The following CDC14A variants were observed in gnomAD, a reference collection of about 807,000 sequenced individuals.
The protein encoded by CDC14A is cell division cycle 14A.
A neutral mutation model predicts 74.4 loss-of-function variants in CDC14A; 53 were observed. That is an observed-to-expected ratio of 0.71 (90% CI 0.57 to 0.89). The LOEUF (loss-of-function observed/expected upper bound fraction) is 0.89, where lower values mean the gene tolerates loss of function less well. Among genes scored for constraint, CDC14A ranks in the 40% least tolerant of loss-of-function variants. The pLI, the probability that CDC14A is intolerant of heterozygous loss-of-function variation, is 0.00. For synonymous variants in CDC14A, 247 were observed against 258.4 expected (o/e 0.96, Z 0.43); for missense variants, 646 against 713.7 (o/e 0.91, Z 1.08).
At chr1:100,360,344 A>G (rs1652570550) in intron 2 of CDC14A, among the ~76,000 whole-genome samples, 3 of 123,970 alleles carry the variant, frequency 2.4e-5, no homozygotes, top group Non-Finnish European at 5.5e-5. Context: ...ATTCATAGTT[A>G]GTTCTTTTTT....
rs377425988 is a variant in CDC14A, at chr1:100,494,801, C to T, written c.1138-17C>T. On this transcript the variant is annotated splice_polypyrimidine_tract_variant and intron_variant, in intron 11 of 15. Transcript: ENST00000336454. Reference sequence around the variant, plus strand: ...GCCAAATTTTGACCTTTCTATGGAACGTGTATTTTTTTCCAGGATAACTTA... The same window carrying T: ...GCCAAATTTTGACCTTTCTATGGAATGTGTATTTTTTTCCAGGATAACTTA... The T allele has an allele frequency of 4.1e-5, 60 of 1,460,422 alleles. No homozygotes were observed. In the African/African-American group the frequency reaches 6.3e-4, roughly 15 times the overall value. The allele number at this position is 1,460,422 out of a possible 1,614,324, so 90.5% of individuals were successfully genotyped here.
chr1:100,504,275 G>A (rs149698855), intron 15 of CDC14A, among the ~76,000 whole-genome samples: 4 of 152,248 alleles, frequency 2.6e-5, no homozygotes, highest in African/African-American at 9.6e-5. Flanking sequence ...ACATTTGCAG[G>A]GATATTCTCA....
chr1:100,479,411 T>A (rs1162864846), intron 10 of CDC14A, among the ~76,000 whole-genome samples: 2 of 152,204 alleles, frequency 1.3e-5, no homozygotes, highest in Non-Finnish European at 2.9e-5. Flanking sequence ...TGTAGCTTTT[T>A]AATCTCTCTT....
At chr1:100,511,345 A>G (rs907644972) in intron 15 of CDC14A, among the ~76,000 whole-genome samples, 3 of 152,152 alleles carry the variant, frequency 2.0e-5, no homozygotes, top group African/African-American at 7.2e-5. Context: ...TCCGCTCTAC[A>G]GCTGGGAGGT....
At chr1:100,402,542 T>C (rs772286915) in intron 4 of CDC14A, among the ~76,000 whole-genome samples, 1 of 132,624 alleles carries the variant, frequency 7.5e-6, no homozygotes, top group Non-Finnish European at 1.5e-5. Flanking sequence ...ATAAACATCT[T>C]AATTAGAAAA....
chr1:100,430,743 C>T (rs769783826), intron 5 of CDC14A, among the ~76,000 whole-genome samples: 13 of 152,112 alleles, frequency 8.5e-5, no homozygotes, highest in African/African-American at 1.9e-4. Flanking sequence ...TGATTTTTGT[C>T]GAAGTTTGTT....
At chr1:100,400,345 T>A (rs1369384803) in intron 4 of CDC14A, among the ~76,000 whole-genome samples, 3 of 152,202 alleles carry the variant, frequency 2.0e-5, no homozygotes, top group African/African-American at 7.2e-5. Context: ...AAAATGTAGG[T>A]AAAATTATCA....
chr1:100,420,005 T>TATATATACGTATATATATAC (rs1662063689), intron 4 of CDC14A, among the ~76,000 whole-genome samples: 5 of 110,994 alleles, frequency 4.5e-5, no homozygotes, highest in Admixed American at 9.6e-5. Context: ...TAAATATATA[T>TATATATACGTATATATATAC]ATATATACAT....
In CDC14A at chr1:100,513,578, G is replaced by C. The variant is rs6697951; in HGVS notation, c.1756-4673G>C. ...TAAGACATCGTTACATTCATTTGCT[G>C]TCAAGGACCTTAATCTTTCATTATT... On this transcript the variant is annotated intron_variant, in intron 15 of 15. Transcript: ENST00000336454. 1.4e-3 allele frequency among the ~76,000 whole-genome samples: 214 copies of C among 152,188 alleles called. 1 individual carries two copies. The highest frequency in any genetic ancestry group is 4.6e-3 in the African/African-American group (192 of 41,528).
At chr1:100,466,289 C>T (rs760336093) in intron 9 of CDC14A, among the ~76,000 whole-genome samples, 1 of 152,198 alleles carries the variant, frequency 6.6e-6, no homozygotes, top group African/African-American at 2.4e-5. Context: ...ACTCTGGAAA[C>T]TCACTGGGCT....
intron 6 of CDC14A, 65 bp downstream of exon 6, chr1:100,440,063 C>T (rs2101124674): frequency 1.7e-6 from 2 of 1,169,484 alleles, no homozygotes; most frequent in Admixed American, 1.8e-5. Flanking sequence ...AAGGAATAAT[C>T]TCAACATCCT....
In CDC14A at chr1:100,442,398, AAT is replaced by A. The variant is rs907670102; in HGVS notation, c.457-527_457-526del. On this transcript the variant is annotated intron_variant, in intron 6 of 15. Coordinates refer to ENST00000336454, the MANE Select transcript of CDC14A (RefSeq NM_003672.4). ...AAATATATACTATATATTATATATA[AAT>A]ATATATATTCTCTCATCAAATATTA... Among the ~76,000 whole-genome samples the A allele has an allele frequency of 3.4e-5, 5 of 146,778 alleles. No homozygotes were observed. The Admixed American group carries it at 3.4e-4, about 10-fold the overall frequency.
chr1:100,423,760 A>G (rs947631114), intron 4 of CDC14A: 1 of 163,084 alleles, frequency 6.1e-6, no homozygotes, highest in Non-Finnish European at 1.4e-5. Flanking sequence ...AGAGAGCAAC[A>G]CTGGCTTTCC....
chr1:100,454,965 G>C (rs1010247115), intron 7 of CDC14A, among the ~76,000 whole-genome samples: 1 of 151,760 alleles, frequency 6.6e-6, no homozygotes, highest in South Asian at 2.1e-4. Context: ...CCTATAAAAA[G>C]AGAAAAAAAA....
In CDC14A at chr1:100,352,931, T is replaced by G. The variant is rs753815321; in HGVS notation, c.-24T>G. On this transcript the variant is annotated 5_prime_UTR_variant, in exon 1 of 16. Transcript: ENST00000336454. ...ACTTCAGCTGGCCACGACCCAGCCC[T>G]CCCCCGTGCGTATCTCGCTTAAGAT... 6.2e-7 allele frequency: 1 copy of G among 1,613,432 alleles called. No individual in the cohort carries two copies. Among genetic ancestry groups the G allele is most frequent in the Non-Finnish European group, 8.5e-7 (1 of 1,179,888 alleles).
chr1:100,475,638 C>T (rs886973888), intron 10 of CDC14A, among the ~76,000 whole-genome samples: 1 of 152,146 alleles, frequency 6.6e-6, no homozygotes, highest in Non-Finnish European at 1.5e-5. Context: ...TGTTGATGTC[C>T]AAGGCTGAGG....
chr1:100,504,776 A>G (rs1419161324), intron 15 of CDC14A: 1 of 1,464,162 alleles, frequency 6.8e-7, no homozygotes. Context: ...TTGCACCAGC[A>G]TTTACCTTGC....
intron 2 of CDC14A, among the ~76,000 whole-genome samples, chr1:100,358,796 T>C (rs917248467): frequency 1.3e-5 from 2 of 152,214 alleles, no homozygotes; most frequent in Non-Finnish European, 1.5e-5. Flanking sequence ...TATAGCATAG[T>C]TTTGAGTCAA....
chr1:100,356,356 T>C (rs2100880480), intron 2 of CDC14A, among the ~76,000 whole-genome samples: 1 of 152,288 alleles, frequency 6.6e-6, no homozygotes, highest in East Asian at 1.9e-4. Context: ...TTCACAACAA[T>C]TCTGTGAGAC....
Sources: allele counts gnomAD v4.1 joint callset (sites outside exome capture counted in the v4.1 genomes callset), GRCh38; gene constraint gnomAD v4.1.1; transcripts MANE v1.5; gene names NCBI Gene and HGNC (gene_info 2026-07-23, HGNC 2026-07-21).